The following ZCCHC17 variants were observed in gnomAD, a reference collection of about 807,000 sequenced individuals.
The protein encoded by ZCCHC17 is zinc finger CCHC domain-containing protein 17.
A neutral mutation model predicts 30.6 loss-of-function variants in ZCCHC17; 18 were observed. That is an observed-to-expected ratio of 0.59 (90% CI 0.41 to 0.87). ZCCHC17 has a LOEUF of 0.87. ZCCHC17 is among the 40% of genes least tolerant of loss of function. ZCCHC17 has a pLI of 0.00. For missense variants in ZCCHC17, 263 were observed against 284.2 expected, an observed-to-expected ratio of 0.93 and a Z score of 0.54; for synonymous variants, 88 against 92.4, an observed-to-expected ratio of 0.95 and a Z score of 0.27.
intron 1 of ZCCHC17, among the ~76,000 whole-genome samples, chr1:31,303,362 T>G (rs1234514660): frequency 2.0e-5 from 3 of 152,174 alleles, no homozygotes; most frequent in African/African-American, 7.2e-5. Flanking sequence ...TTTAGTTAGC[T>G]TACTTTGCTC....
intron 1 of ZCCHC17, among the ~76,000 whole-genome samples, chr1:31,302,702 T>C (rs544270464): frequency 3.3e-5 from 5 of 152,160 alleles, no homozygotes; most frequent in South Asian, 2.1e-4. Context: ...AGGAAACTTA[T>C]AACTCATGGC....
intron 1 of ZCCHC17, among the ~76,000 whole-genome samples, chr1:31,306,676 G>GT (rs141564305): frequency 0.13 from 20,296 of 151,290 alleles, 1,500 homozygotes; most frequent in Non-Finnish European, 0.15. Context: ...ATGCATGCCA[G>GT]TTTTTTTTTG....
At chr1:31,361,443 T>C (rs997790875) in intron 7 of ZCCHC17, among the ~76,000 whole-genome samples, 4 of 152,230 alleles carry the variant, frequency 2.6e-5, no homozygotes, top group Admixed American at 2.0e-4. Context: ...TAGGTACTTA[T>C]TATTTCCAGT....
chr1:31,359,069 C>T (rs1639759937), intron 7 of ZCCHC17, among the ~76,000 whole-genome samples: 1 of 152,146 alleles, frequency 6.6e-6, no homozygotes, highest in Non-Finnish European at 1.5e-5. Context: ...TCTTGACTGA[C>T]CAAGTAAATA....
chr1:31,339,105 T>C, intron 5 of ZCCHC17, 57 bp downstream of exon 5: 1 of 1,342,764 alleles, frequency 7.4e-7, no homozygotes, highest in African/African-American at 1.5e-5. Flanking sequence ...CATAAAATGG[T>C]TTAGTAAATC....
intron 2 of ZCCHC17, among the ~76,000 whole-genome samples, chr1:31,315,786 A>G (rs1173708789): frequency 1.3e-5 from 2 of 152,104 alleles, no homozygotes; most frequent in Non-Finnish European, 2.9e-5. Flanking sequence ...TTTTCCCCTG[A>G]GCTATTTGAC....
chr1:31,311,764 A>G (rs1557428316), intron 2 of ZCCHC17, among the ~76,000 whole-genome samples: 1 of 152,198 alleles, frequency 6.6e-6, no homozygotes, highest in Non-Finnish European at 1.5e-5. Flanking sequence ...TGAATTGGGG[A>G]TTAGGCTTCA....
chr1:31,307,805 C>T (rs1292441921), intron 1 of ZCCHC17, among the ~76,000 whole-genome samples: 1 of 151,940 alleles, frequency 6.6e-6, no homozygotes, highest in Non-Finnish European at 1.5e-5. Flanking sequence ...GAACTCCTGA[C>T]CTCAGATGAT....
intron 2 of ZCCHC17, among the ~76,000 whole-genome samples, chr1:31,313,958 G>T (rs1646667840): frequency 6.6e-6 from 1 of 151,942 alleles, no homozygotes; most frequent in African/African-American, 2.4e-5. Flanking sequence ...TCCACCTCCG[G>T]GTTCAAGTGA....
chr1:31,360,003 G>A (rs575325448), intron 7 of ZCCHC17, among the ~76,000 whole-genome samples: 6 of 150,488 alleles, frequency 4.0e-5, no homozygotes, highest in African/African-American at 1.2e-4. Flanking sequence ...TTTTTGAGAC[G>A]GAGTTTCCAT....
At chr1:31,329,386 C>G (rs1461814010) in intron 3 of ZCCHC17, among the ~76,000 whole-genome samples, 1 of 152,080 alleles carries the variant, frequency 6.6e-6, no homozygotes, top group African/African-American at 2.4e-5. Context: ...TGCCATCCAG[C>G]ACTAAACTAT....
chr1:31,309,731 A>C (rs1004891973), intron 1 of ZCCHC17, among the ~76,000 whole-genome samples: 1 of 152,190 alleles, frequency 6.6e-6, no homozygotes, highest in Non-Finnish European at 1.5e-5. Context: ...CCGGTCAAAC[A>C]TACTTAACAT....
At chr1:31,308,216 A>G (rs910679043) in intron 1 of ZCCHC17, among the ~76,000 whole-genome samples, 1 of 152,226 alleles carries the variant, frequency 6.6e-6, no homozygotes, top group African/African-American at 2.4e-5. Flanking sequence ...AGCTCTGTGT[A>G]CTTTTAGTAC....
At position 31,310,184 on chromosome 1, in the gene ZCCHC17, G is replaced by A. The variant is rs1646566168; in HGVS notation, c.66+20G>A. On this transcript the variant is annotated intron_variant, in intron 2 of 7. Coordinates refer to ENST00000344147, the MANE Select transcript of ZCCHC17 (RefSeq NM_016505.4). ...GGAGAGGTATATTCTTTTGTGCTTT[G>A]AAAACCCACCATTTATGTTAAAATA... The A allele has an allele frequency of 6.2e-7, 1 of 1,612,334 alleles. No individual in the cohort carries two copies. The highest frequency in any genetic ancestry group is 8.5e-7 in the Non-Finnish European group (1 of 1,178,972).
At chr1:31,331,666 C>T (rs925778872) in intron 3 of ZCCHC17, among the ~76,000 whole-genome samples, 3 of 151,594 alleles carry the variant, frequency 2.0e-5, no homozygotes, top group Admixed American at 2.0e-4. Flanking sequence ...GGCTGGAATG[C>T]AATGGCTCGA....
intron 7 of ZCCHC17, among the ~76,000 whole-genome samples, chr1:31,359,919 G>C (rs953510467): frequency 6.6e-6 from 1 of 151,714 alleles, no homozygotes; most frequent in Non-Finnish European, 1.5e-5. Context: ...GCAGAAGCTT[G>C]GTTCATCTTC....
chr1:31,352,128 C>CA (rs1170940648), intron 7 of ZCCHC17, among the ~76,000 whole-genome samples: 2 of 152,180 alleles, frequency 1.3e-5, no homozygotes, highest in East Asian at 3.9e-4. Context: ...TTTGATAAGC[C>CA]AAAATCTGCA....
In ZCCHC17 at chr1:31,364,114, C is replaced by G; in HGVS notation, c.647C>G (p.Ala216Gly). The change falls in exon 8 of 8, where the codon GCA (alanine) becomes GGA (glycine). Residue 216 changes from alanine (A) to glycine (G), a missense_variant. By Grantham distance (60) the Ala-to-Gly change is moderately conservative. Transcript: ENST00000344147. ...TCTGAGAGTGATACAGGCAAGAGGG[C>G]AAGGCACACATCAAAAGACAGCAAG... The part of the protein sequence containing the change: ...SDSESDTGKR[A>G]RHTSKDSKAA... 1 of 1,613,596 alleles carries G rather than the reference C, an allele frequency of 6.2e-7. No homozygotes were observed. The highest frequency in any genetic ancestry group is 8.5e-7 in the Non-Finnish European group (1 of 1,179,828).
intron 3 of ZCCHC17, among the ~76,000 whole-genome samples, chr1:31,331,165 G>A (rs570784111): frequency 1.3e-5 from 2 of 151,664 alleles, no homozygotes; most frequent in African/African-American, 4.8e-5. Context: ...CTCTTGAGAC[G>A]GAGTCTTGCT....
Sources: allele counts gnomAD v4.1 joint callset (sites outside exome capture counted in the v4.1 genomes callset), GRCh38; gene constraint gnomAD v4.1.1; transcripts MANE v1.5; gene names NCBI Gene and HGNC (gene_info 2026-07-23, HGNC 2026-07-21).